The following MTUS1 variants were observed in gnomAD, a reference collection of about 807,000 sequenced individuals.
MTUS1 encodes the protein microtubule associated scaffold protein 1, also known as microtubule-associated tumor suppressor 1.
In MTUS1, 109 loss-of-function variants were observed where a neutral mutation model predicts 120.8. That is an observed-to-expected ratio of 0.90 (90% CI 0.77 to 1.06). MTUS1 has a LOEUF of 1.06. Ranked by LOEUF, MTUS1 falls within the 50% of genes least tolerant of loss-of-function variation. MTUS1 has a pLI of 0.00. For synonymous variants in MTUS1, 737 were observed against 550.5 expected (o/e 1.34, Z -4.74); for missense variants, 2,210 against 1,486.3 (o/e 1.49, Z -8.01).
intron 6 of MTUS1, among the ~76,000 whole-genome samples, chr8:17,693,039 G>A (rs1045497551): frequency 2.0e-5 from 3 of 152,112 alleles, no homozygotes; most frequent in African/African-American, 7.2e-5. Context: ...AGTCAAGAAG[G>A]AAATTAACCT....
chr8:17,793,586 G>C (rs1007445920), intron 1 of MTUS1, among the ~76,000 whole-genome samples: 3 of 152,016 alleles, frequency 2.0e-5, no homozygotes, highest in Non-Finnish European at 4.4e-5. Flanking sequence ...CCCAGCATCC[G>C]AACATTTAGA....
chr8:17,721,169 C>A (rs2045810482), intron 4 of MTUS1, among the ~76,000 whole-genome samples: 1 of 152,086 alleles, frequency 6.6e-6, no homozygotes, highest in Non-Finnish European at 1.5e-5. Flanking sequence ...ATACTTAAGC[C>A]AGTATAAATC....
At chr8:17,714,676 C>T (rs73204302) in intron 5 of MTUS1, among the ~76,000 whole-genome samples, 1 of 151,972 alleles carries the variant, frequency 6.6e-6, no homozygotes, top group African/African-American at 2.4e-5. Context: ...CTCAGTTTTG[C>T]TGGAATAAAA....
intron 4 of MTUS1, 113 bp from the exon 5 acceptor site, chr8:17,716,014 G>T (rs1822258264): frequency 6.5e-6 from 6 of 918,152 alleles, no homozygotes; most frequent in Non-Finnish European, 9.9e-6. Flanking sequence ...CCTACGACAT[G>T]CCAGTCATTA....
intron 6 of MTUS1, among the ~76,000 whole-genome samples, chr8:17,696,183 G>T (rs572222398): frequency 6.6e-6 from 1 of 152,084 alleles, no homozygotes; most frequent in Non-Finnish European, 1.5e-5. Flanking sequence ...CCCATTTACC[G>T]TCAGCTCAGA....
intron 8 of MTUS1, among the ~76,000 whole-genome samples, chr8:17,664,770 C>T (rs1344768622): frequency 6.6e-6 from 1 of 152,158 alleles, no homozygotes; most frequent in African/African-American, 2.4e-5. Flanking sequence ...TGACACACGT[C>T]CATGGCAAGC....
chr8:17,752,783 G>T (rs1419868233), intron 2 of MTUS1, among the ~76,000 whole-genome samples: 1 of 152,026 alleles, frequency 6.6e-6, no homozygotes, highest in Non-Finnish European at 1.5e-5. Context: ...TCCCTTCCTG[G>T]CCCAGAGGAC....
In MTUS1 at chr8:17,754,917, A is replaced by T; in HGVS notation, c.891T>A (p.Asp297Glu). ...CAGAATCATTGGGGACTTCCATGCC[A>T]TCAGAAACTGGTGTTAGTGCTTGTG... The part of the protein sequence containing the change: ...KETQALTPVS[D>E]GMEVPNDSAL... Residue 297 changes from aspartate to glutamate, a missense_variant, in exon 2 of 15, where the codon GAT becomes GAA. Transcript: ENST00000693296. The T allele has an allele frequency of 6.2e-7, 1 of 1,614,152 alleles. No individual in the cohort carries two copies.
rs546884000 is a variant in MTUS1 at position 17,646,114 on chromosome 8, G to A, written c.3625C>T (p.Leu1209=). ...SRQLSTEQAV[L]QESLEKESKV... ...GACTCCTTCTCCAGCGACTCTTGCAGAACAGCCTGCTCCGTGGAAAGCTGC... is the reference window on the plus strand; with the variant it reads ...GACTCCTTCTCCAGCGACTCTTGCAAAACAGCCTGCTCCGTGGAAAGCTGC... Residue 1209 remains leucine (L), a synonymous_variant, in exon 15 of 15, where the codon CTG becomes TTG. Coordinates refer to ENST00000693296, the MANE Select transcript of MTUS1 (RefSeq NM_001363059.2). 2 of 1,612,542 alleles carry A rather than the reference G, an allele frequency of 1.2e-6. No homozygotes were observed. The highest frequency in any genetic ancestry group is 1.1e-5 in the South Asian group (1 of 90,876).
At chr8:17,700,176 T>G (rs1273356418) in intron 6 of MTUS1, among the ~76,000 whole-genome samples, 2 of 152,080 alleles carry the variant, frequency 1.3e-5, no homozygotes, top group Admixed American at 1.3e-4. Context: ...TATGAGTCTT[T>G]ATGGGCCGGG....
rs1239604700 is a variant in MTUS1, at chr8:17,670,402, A to G, written c.2905+4784T>C. ...AACCCTTGCTATATACTATGACACT[A>G]TTTAAGGGGTAAGTGAACGTATGGG... is the stretch of plus-strand genomic sequence containing the variant. On this transcript the variant is annotated intron_variant, in intron 8 of 14. Transcript: ENST00000693296. Among the ~76,000 whole-genome samples, 6 of 152,340 alleles carry G rather than the reference A, an allele frequency of 3.9e-5. No homozygotes were observed. In the East Asian group the frequency reaches 9.6e-4, roughly 24 times the overall value.
chr8:17,713,149 T>C (rs1393155732), intron 6 of MTUS1, 65 bp downstream of exon 6: 14 of 1,268,578 alleles, frequency 1.1e-5, no homozygotes, highest in Non-Finnish European at 1.5e-5. Flanking sequence ...TCACTGTAAA[T>C]ACTTGTAGTA....
rs769503602 is a variant in MTUS1, at chr8:17,754,591, C to A, written c.1217G>T (p.Gly406Val). 3 of 1,614,040 alleles carry A rather than the reference C, an allele frequency of 1.9e-6. No homozygotes were observed. The highest frequency in any genetic ancestry group is 2.2e-5 in the South Asian group (2 of 91,080). The change falls in exon 2 of 15, where the codon GGC (glycine) becomes GTC (valine). Residue 406 changes from glycine (G) to valine (V), a missense_variant. By Grantham distance (109) the Gly-to-Val change is moderately radical. Coordinates refer to ENST00000693296, the MANE Select transcript of MTUS1 (RefSeq NM_001363059.2). ...ILSSPPGQKV[G>V]SSFGLTWDAN... ...ATCCCAAGTCAGTCCAAATGACGAG[C>A]CCACCTTTTGTCCTGGCGGGCTACT...
At chr8:17,760,051 C>CTTTTTT (rs1165288999) in intron 1 of MTUS1, among the ~76,000 whole-genome samples, 1 of 130,208 alleles carries the variant, frequency 7.7e-6, no homozygotes. Context: ...TCTACGATTT[C>CTTTTTT]TTTTCTTTTT....
In MTUS1 at chr8:17,743,672, C is replaced by T; in HGVS notation, c.2219G>A (p.Ser740Asn). ...GPPVSCLRRN[S>N]DNRNPSADRA... ...ATCAGCACTGGGATTTCTATTGTCA[C>T]TGTTCCGCCTCAAACAGGAAACAGG... Residue 740 changes from serine to asparagine, a missense_variant, in exon 3 of 15, where the codon AGT becomes AAT. Physicochemically the swap from Ser to Asn is conservative, Grantham distance 46. Transcript: ENST00000693296. 3 of 1,614,206 alleles carry T rather than the reference C, an allele frequency of 1.9e-6. No homozygotes were observed. Among genetic ancestry groups the T allele is most frequent in the Non-Finnish European group, 2.5e-6 (3 of 1,180,042 alleles).
At chr8:17,667,835 A>G (rs914337806) in intron 8 of MTUS1, among the ~76,000 whole-genome samples, 11 of 152,312 alleles carry the variant, frequency 7.2e-5, no homozygotes, top group African/African-American at 2.6e-4. Context: ...TATAAATACA[A>G]TGCAGAGAAG....
intron 1 of MTUS1, among the ~76,000 whole-genome samples, chr8:17,776,740 T>C (rs557309699): frequency 6.8e-6 from 1 of 147,796 alleles, no homozygotes; most frequent in African/African-American, 2.5e-5. Context: ...AAGAAAGCAT[T>C]CAATAAATGT....
At chr8:17,647,235 A>T (rs897401576) in intron 13 of MTUS1, 156 bp from the exon 14 acceptor site, 5 of 589,090 alleles carry the variant, frequency 8.5e-6, no homozygotes, top group Non-Finnish European at 1.5e-5. Context: ...CATACTGAAA[A>T]AGATTTTAAA....
intron 2 of MTUS1, among the ~76,000 whole-genome samples, chr8:17,747,943 C>G (rs987556545): frequency 1.3e-5 from 2 of 152,082 alleles, no homozygotes; most frequent in African/African-American, 4.8e-5. Context: ...TTATAATAAC[C>G]ATCAGATCTT....
Sources: gnomAD v4.1 joint callset for allele counts (sites outside exome capture counted in the v4.1 genomes callset) on GRCh38, gnomAD v4.1.1 for gene constraint, MANE v1.5 for transcripts, NCBI Gene and HGNC (gene_info 2026-07-23, HGNC 2026-07-21) for gene names.